Variants in RAB34 observed in about 807,000 individuals in gnomAD.
RAB34 encodes ras-related protein Rab-34.
A neutral mutation model predicts 39.0 loss-of-function variants in RAB34; 33 were observed. The ratio of observed to expected loss-of-function variants is 0.85; its 90% CI spans 0.64 to 1.13. The LOEUF (loss-of-function observed/expected upper bound fraction) is 1.13, where lower values mean the gene tolerates loss of function less well. Ranked by LOEUF, RAB34 falls within the 50% of genes most tolerant of loss-of-function variation. The pLI, the probability that RAB34 is intolerant of heterozygous loss-of-function variation, is 0.00. For missense variants in RAB34, 289 were observed against 326.1 expected, an observed-to-expected ratio of 0.89 and a Z score of 0.88; for synonymous variants, 135 against 125.1, an observed-to-expected ratio of 1.08 and a Z score of -0.53.
intron 6 of RAB34, 74 bp from the exon 7 acceptor site, chr17:28,715,350 T>G: frequency 6.3e-7 from 1 of 1,578,942 alleles, no homozygotes; most frequent in Non-Finnish European, 8.7e-7. Flanking sequence ...TAGGCCCAAT[T>G]ACCCCCTCTC....
In RAB34 at chr17:28,717,720, C is replaced by T; in HGVS notation, c.-454G>A. 1.5e-6 allele frequency: 2 copies of T among 1,327,416 alleles called. No homozygotes were observed. The highest frequency in any genetic ancestry group is 1.9e-6 in the Non-Finnish European group (2 of 1,043,534). The allele number at this position is 1,327,416 out of a possible 1,614,324, so 82.2% of individuals were successfully genotyped here. A position where few individuals can be genotyped will look rare whatever the true frequency, so the allele number is the denominator to read the frequency against. On this transcript the variant is annotated 5_prime_UTR_variant, in exon 1 of 10. Transcript: ENST00000395245. ...GGCTGCCCTACCATTACAGAGCGGC[C>T]CGGGGGCGCGGAGCGGCCCCGCCAC...
rs2033321562 is a variant in RAB34, at chr17:28,715,851, T to G, written c.263A>C (p.Asp88Ala). 1 of 1,613,864 alleles carries G rather than the reference T, an allele frequency of 6.2e-7. No homozygotes were observed. Among genetic ancestry groups the G allele is most frequent in the Non-Finnish European group, 8.5e-7 (1 of 1,179,976 alleles). ...CACCTCAAATCGTTCCATCTCGAAG[T>G]CCACTCCAATGGTGGCCTTGTAATT... ...DKNYKATIGV[D>A]FEMERFEVLG... The change falls in exon 4 of 10, where the codon GAC becomes GCC. Residue 88 changes from aspartate (D) to alanine (A), a missense_variant. Asp to Ala is a moderately radical substitution (Grantham distance 126, BLOSUM62 -2). Coordinates refer to ENST00000395245, the MANE Select transcript of RAB34 (RefSeq NM_031934.6).
Position 28,715,295 on chromosome 17 carries a change from A to G in RAB34, c.432-19T>C. On this transcript the variant is annotated intron_variant, in intron 6 of 9. Transcript: ENST00000395245. ...CCACTGCCTGCCATGGGAGGTGGAA[A>G]GTAAGGGATGAGTGAGTCTGCAGGG... The G allele has an allele frequency of 1.2e-6, 2 of 1,610,274 alleles. No individual in the cohort carries two copies. The highest frequency in any genetic ancestry group is 1.3e-5 in the African/African-American group (1 of 74,984).
In RAB34 at chr17:28,714,777, C is replaced by T. The variant is rs909077063; in HGVS notation, c.712+16G>A. The T allele has an allele frequency of 6.2e-7, 1 of 1,614,050 alleles. No homozygotes were observed. The highest frequency in any genetic ancestry group is 1.7e-5 in the Admixed American group (1 of 60,034). On this transcript the variant is annotated intron_variant, in intron 9 of 9. Coordinates refer to ENST00000395245, the MANE Select transcript of RAB34 (RefSeq NM_031934.6). ...TCACTGTGCCCTCTGCCACCCTCAA[C>T]CAGGCAAGCACTCACGGACAACATC... is the stretch of plus-strand genomic sequence containing the variant.
Position 28,715,132 on chromosome 17 carries a change from G to A in RAB34, c.514-10C>T. On this transcript the variant is annotated splice_polypyrimidine_tract_variant and intron_variant, in intron 7 of 9. Transcript: ENST00000395245. Reference sequence around the variant, plus strand: ...CATACTGAGCAGGGGTCTGAGGGAAGGCCAGAGTCAGAGGGGGGCATTCCC... The same window carrying A: ...CATACTGAGCAGGGGTCTGAGGGAAAGCCAGAGTCAGAGGGGGGCATTCCC... 1 of 1,614,044 alleles carries A rather than the reference G, an allele frequency of 6.2e-7. No homozygotes were observed. The highest frequency in any genetic ancestry group is 8.5e-7 in the Non-Finnish European group (1 of 1,179,920).
upstream of RAB34, chr17:28,718,381 A>G (rs2033889026): frequency 1.2e-6 from 1 of 831,136 alleles, no homozygotes; most frequent in Non-Finnish European, 1.8e-6. Context: ...GAGGAGAGAG[A>G]CGTCTGAAGT....
At position 28,714,723 on chromosome 17, in the gene RAB34, G is replaced by A. The variant is rs577762072; in HGVS notation, c.713-13C>T. 2.7e-5 allele frequency: 43 copies of A among 1,614,110 alleles called. No homozygotes were observed. The South Asian group carries it at 4.1e-4, about 15-fold the overall frequency. On this transcript the variant is annotated splice_polypyrimidine_tract_variant and intron_variant, in intron 9 of 9. Coordinates refer to ENST00000395245, the MANE Select transcript of RAB34 (RefSeq NM_031934.6). ...TCACTGTTGATGCCTAAAGAAGGGT[G>A]GAAAATATGTGAAGCAGGGATTGGA... is the stretch of plus-strand genomic sequence containing the variant.
chr17:28,718,167 TGGCGA>T (rs768394430), upstream of RAB34: 6 of 1,609,728 alleles, frequency 3.7e-6, no homozygotes, highest in African/African-American at 5.4e-5. Flanking sequence ...GCGCAGCATC[TGGCGA>T]TGCCAGGAAC....
intron 2 of RAB34, chr17:28,716,405 TC>T (rs1390329349): frequency 9.6e-6 from 3 of 312,462 alleles, no homozygotes; most frequent in African/African-American, 6.4e-5. Context: ...TGTCCTATAT[TC>T]TAAGACACCC....
chr17:28,714,444 A>G lies in RAB34; in HGVS notation c.*199T>C. On this transcript the variant is annotated 3_prime_UTR_variant, in exon 10 of 10. Transcript: ENST00000395245. Reference sequence around the variant, plus strand: ...GACAGTCCCCTGAGGAGTAGGGGGCATCCAGTCTTTGGCACGGTGCCTGGG... The same window carrying G: ...GACAGTCCCCTGAGGAGTAGGGGGCGTCCAGTCTTTGGCACGGTGCCTGGG... 8.8e-7 allele frequency: 1 copy of G among 1,137,696 alleles called. No homozygotes were observed. The highest frequency in any genetic ancestry group is 1.3e-6 in the Non-Finnish European group (1 of 769,520). The allele number at this position is 1,137,696 out of a possible 1,614,324, so 70.5% of individuals were successfully genotyped here.
chr17:28,715,557 C>T (rs1327388894), intron 5 of RAB34, 50 bp from the exon 6 acceptor site: 2 of 1,614,004 alleles, frequency 1.2e-6, no homozygotes, highest in Admixed American at 1.7e-5. Context: ...GACACTACTG[C>T]TCATTTCCCC....
intron 9 of RAB34, 25 bp downstream of exon 9, chr17:28,714,768 C>T (rs1266979365): frequency 6.2e-7 from 1 of 1,614,026 alleles, no homozygotes; most frequent in South Asian, 1.1e-5. Flanking sequence ...TGCCCTCTGC[C>T]ACCCTCAACC....
Position 28,714,833 on chromosome 17 carries a change from C to G in RAB34, c.672G>C (p.Glu224Asp), listed in dbSNP as rs780718448. The stretch of plus-strand genomic sequence containing the variant: ...TGCGTCGAGCCCCCGATTTCTCCAG[C>G]TCAGCCAGCACATTGGCCTCAAAGG... ...ALTFEANVLA[E>D]LEKSGARRIG... is the part of the protein sequence containing the mutation. The change falls in exon 9 of 10, where the codon GAG becomes GAC. Residue 224 changes from glutamate (E) to aspartate (D), a missense_variant. Glu to Asp is a conservative substitution (Grantham distance 45). Coordinates refer to ENST00000395245, the MANE Select transcript of RAB34 (RefSeq NM_031934.6). The G allele has an allele frequency of 2.4e-5, 39 of 1,614,068 alleles. No homozygotes were observed. Among genetic ancestry groups the G allele is most frequent in the Non-Finnish European group, 3.3e-5 (39 of 1,180,054 alleles).
At chr17:28,715,342 G>A in intron 6 of RAB34, 66 bp from the exon 7 acceptor site, 26 of 1,583,522 alleles carry the variant, frequency 1.6e-5, no homozygotes, top group Non-Finnish European at 2.2e-5. Context: ...GACATTCATA[G>A]GCCCAATTAC....
At chr17:28,714,922 T>G in intron 8 of RAB34, 22 bp from the exon 9 acceptor site, 1 of 1,609,682 alleles carries the variant, frequency 6.2e-7, no homozygotes, top group Non-Finnish European at 8.5e-7. Flanking sequence ...AGCAGATAGG[T>G]GCTCAGGGGC....
At chr17:28,716,177 AC>A in intron 2 of RAB34, 119 bp from the exon 3 acceptor site, 2 of 1,416,992 alleles carry the variant, frequency 1.4e-6, no homozygotes, top group Non-Finnish European at 1.9e-6. Context: ...TATTATAGAC[AC>A]CAGGCATCCC....
At chr17:28,715,391 C>T in intron 6 of RAB34, 65 bp downstream of exon 6, 1 of 1,604,802 alleles carries the variant, frequency 6.2e-7, no homozygotes, top group African/African-American at 1.3e-5. Context: ...TTCTTCCTGA[C>T]CACCCCTCTG....
chr17:28,714,710 C>A lies in RAB34; in HGVS notation c.713G>T (p.Arg238Leu). 6.2e-7 allele frequency: 1 copy of A among 1,614,018 alleles called. No homozygotes were observed. The highest frequency in any genetic ancestry group is 8.5e-7 in the Non-Finnish European group (1 of 1,180,020). The change falls in exon 10 of 10, where the codon CGC (arginine) becomes CTC (leucine). Residue 238 changes from arginine to leucine, a missense_variant and splice_region_variant. Coordinates refer to ENST00000395245, the MANE Select transcript of RAB34 (RefSeq NM_031934.6). ...GAGGTTGCTGTCATCACTGTTGATG[C>A]CTAAAGAAGGGTGGAAAATATGTGA... is the stretch of plus-strand genomic sequence containing the variant. ...SGARRIGDVV[R>L]INSDDSNLYL...
At position 28,714,792 on chromosome 17, in the gene RAB34, C is replaced by T. The variant is rs770497617; in HGVS notation, c.712+1G>A. 8.7e-6 allele frequency: 14 copies of T among 1,614,028 alleles called. No individual in the cohort carries two copies. Among genetic ancestry groups the T allele is most frequent in the Admixed American group, 3.3e-5 (2 of 60,002 alleles). On this transcript the variant is annotated splice_donor_variant, in intron 9 of 9. Coordinates refer to ENST00000395245, the MANE Select transcript of RAB34 (RefSeq NM_031934.6). LOFTEE classifies it high-confidence loss of function. ...CCACCCTCAACCAGGCAAGCACTCA[C>T]GGACAACATCCCCAATGCGTCGAGC...
Sources: gnomAD v4.1 joint callset for allele counts on GRCh38, gnomAD v4.1.1 for gene constraint, MANE v1.5 for transcripts, NCBI Gene and HGNC (gene_info 2026-07-23, HGNC 2026-07-21) for gene names.